PHKB: variants seen among roughly 807,000 people sequenced by gnomAD.
The protein encoded by PHKB is phosphorylase kinase regulatory subunit beta.
In PHKB, 122 loss-of-function variants were observed where a neutral mutation model predicts 152.1. The ratio of observed to expected loss-of-function variants is 0.80; its 90% CI spans 0.69 to 0.93. PHKB has a LOEUF of 0.93. Among genes scored for constraint, PHKB ranks in the 40% least tolerant of loss-of-function variants. The pLI is 0.00. For missense variants in PHKB, 1,304 were observed against 1,328.4 expected, an observed-to-expected ratio of 0.98 and a Z score of 0.29; for synonymous variants, 436 against 464.9, an observed-to-expected ratio of 0.94 and a Z score of 0.80.
intron 7 of PHKB, chr16:47,566,472 G>A (rs1481069562): frequency 9.3e-6 from 15 of 1,608,488 alleles, no homozygotes; most frequent in Non-Finnish European, 1.3e-5. Context: ...CTCAAATTCA[G>A]CATAACCAAA....
At position 47,541,519 on chromosome 16, in the gene PHKB, G is replaced by T. The variant is rs143954221; in HGVS notation, c.595-5914G>T. 1.1e-3 allele frequency among the ~76,000 whole-genome samples: 165 copies of T among 152,292 alleles called. 1 individual carries two copies. Among genetic ancestry groups the T allele is most frequent in the African/African-American group, 3.8e-3 (156 of 41,548 alleles). On this transcript the variant is annotated intron_variant, in intron 6 of 30. Transcript: ENST00000323584. ...TCCTTTGGGAATATACCCAGTAATG[G>T]GATGGCTGGGTCAAATGGTATTTCT...
chr16:47,489,580 G>T (rs1406054542), intron 1 of PHKB, among the ~76,000 whole-genome samples: 2 of 152,332 alleles, frequency 1.3e-5, no homozygotes, highest in African/African-American at 4.8e-5. Context: ...CCATGGGTTT[G>T]TATCCTCAAA....
chr16:47,511,798 C>A (rs759720399), intron 5 of PHKB, 26 bp downstream of exon 5: 6 of 1,349,192 alleles, frequency 4.4e-6, no homozygotes, highest in South Asian at 3.5e-5. Flanking sequence ...ACATTTTATT[C>A]TCCTTATATT....
chr16:47,687,553 T>G (rs1416128901), intron 26 of PHKB, among the ~76,000 whole-genome samples: 1 of 152,244 alleles, frequency 6.6e-6, no homozygotes, highest in Non-Finnish European at 1.5e-5. Context: ...CAGGAAGCTT[T>G]CAGGCATTTG....
rs1233449570 is a variant in PHKB at position 47,463,762 on chromosome 16, GAAAAT to G, written c.76+2342_76+2346del. ...AATCACATTTTCAAGTCATAAAAGA[GAAAAT>G]AAAATTATAATGATCCTCAGTTACT... On this transcript the variant is annotated intron_variant, in intron 1 of 30. Coordinates refer to ENST00000323584, the MANE Select transcript of PHKB (RefSeq NM_000293.3). The G allele has an allele frequency of 3.0e-5, 19 of 640,532 alleles. No homozygotes were observed. In the Admixed American group the frequency reaches 4.3e-4, roughly 14 times the overall value. 39.7% of individuals were successfully genotyped at this position (640,532 alleles called of 1,614,324 possible).
At chr16:47,634,168 A>T (rs531761459) in intron 14 of PHKB, among the ~76,000 whole-genome samples, 1 of 152,234 alleles carries the variant, frequency 6.6e-6, no homozygotes, top group Non-Finnish European at 1.5e-5. Flanking sequence ...CAATTTATAG[A>T]TGAGGAAACT....
At chr16:47,486,630 C>T (rs1005983632) in intron 1 of PHKB, among the ~76,000 whole-genome samples, 13 of 152,120 alleles carry the variant, frequency 8.5e-5, no homozygotes, top group Non-Finnish European at 1.6e-4. Flanking sequence ...CATGCCTACC[C>T]CGTCTGCAAC....
chr16:47,554,285 T>C (rs960976308), intron 7 of PHKB, among the ~76,000 whole-genome samples: 5 of 152,170 alleles, frequency 3.3e-5, no homozygotes, highest in African/African-American at 9.7e-5. Flanking sequence ...CTCTGCCCAG[T>C]TGGAACTTCC....
chr16:47,655,116 A>C (rs554770384), intron 20 of PHKB, among the ~76,000 whole-genome samples: 1 of 152,288 alleles, frequency 6.6e-6, no homozygotes, highest in East Asian at 1.9e-4. Context: ...TATTCACTAT[A>C]ATTGATGGCA....
At chr16:47,642,925 G>A (rs1405776961) in intron 16 of PHKB, among the ~76,000 whole-genome samples, 3 of 152,126 alleles carry the variant, frequency 2.0e-5, no homozygotes, top group Non-Finnish European at 2.9e-5. Flanking sequence ...GAGAGAGAAG[G>A]ATGCCAAAAT....
Position 47,641,056 on chromosome 16 carries a change from G to A in PHKB, c.1480G>A (p.Val494Ile), listed in dbSNP as rs1305765069. The A allele has an allele frequency of 1.2e-6, 2 of 1,613,858 alleles. No individual in the cohort carries two copies. Among genetic ancestry groups the A allele is most frequent in the Non-Finnish European group, 1.7e-6 (2 of 1,179,942 alleles). Residue 494 changes from valine (V) to isoleucine (I), a missense_variant, in exon 15 of 31, where the codon GTA (valine) becomes ATA (isoleucine). Transcript: ENST00000323584. Reference protein sequence around the residue: ...SNQGPLENDLVVHVALIAESQ... With the variant: ...SNQGPLENDLIVHVALIAESQ... ...ACAGGGCCCACTGGAAAATGACTTG[G>A]TAGTTCATGTGGCACTTATAGCAGA... is the stretch of plus-strand genomic sequence containing the variant.
At chr16:47,647,776 C>A (rs879127268) in intron 16 of PHKB, among the ~76,000 whole-genome samples, 1 of 152,164 alleles carries the variant, frequency 6.6e-6, no homozygotes, top group Non-Finnish European at 1.5e-5. Context: ...GGATTACAGG[C>A]GTGAGCCACC....
Position 47,593,538 on chromosome 16 carries a change from C to T in PHKB, c.1107C>T (p.Phe369=). The change falls in exon 11 of 31, where the codon TTC becomes TTT. Residue 369 remains phenylalanine, a synonymous_variant. Coordinates refer to ENST00000323584, the MANE Select transcript of PHKB (RefSeq NM_000293.3). The part of the protein sequence containing the change: ...DGIECEFPIF[F]LYMMIDGVFR... ...TTGAATGTGAATTTCCCATATTTTT[C>T]CTTTATATGATGATTGATGGTAAGT... The T allele has an allele frequency of 6.7e-7, 1 of 1,499,858 alleles. No individual in the cohort carries two copies. The allele number at this position is 1,499,858 out of a possible 1,614,324, so 92.9% of individuals were successfully genotyped here.
chr16:47,598,879 G>A, intron 13 of PHKB: 1 of 1,603,802 alleles, frequency 6.2e-7, no homozygotes, highest in South Asian at 1.1e-5. Context: ...TCTATATGCT[G>A]CATTTTTAGG....
chr16:47,478,466 ATTTTTT>A (rs199656987), intron 1 of PHKB, among the ~76,000 whole-genome samples: 19 of 127,894 alleles, frequency 1.5e-4, no homozygotes, highest in African/African-American at 5.2e-4. Context: ...TTGCTGTGAA[ATTTTTT>A]TTTTTTTTTT....
chr16:47,660,011 A>G (rs893181592), intron 20 of PHKB, among the ~76,000 whole-genome samples: 3 of 152,028 alleles, frequency 2.0e-5, no homozygotes. Context: ...CTACAGGCAC[A>G]TGCCACCACG....
intron 14 of PHKB, among the ~76,000 whole-genome samples, chr16:47,635,275 G>GC (rs2151723209): frequency 6.6e-6 from 1 of 152,234 alleles, no homozygotes; most frequent in Non-Finnish European, 1.5e-5. Context: ...TATGATGTTG[G>GC]ATAAGTTTTT....
chr16:47,588,243 A>G lies in PHKB; in HGVS notation c.870+480A>G, dbSNP rs147768252. On this transcript the variant is annotated intron_variant, in intron 9 of 30. Coordinates refer to ENST00000323584, the MANE Select transcript of PHKB (RefSeq NM_000293.3). Reference sequence around the variant, plus strand: ...TGGTTCTGTTATTTAGAAAACACCCAAAGTGGAATAATTTAGTTATTCAAA... The same window carrying G: ...TGGTTCTGTTATTTAGAAAACACCCGAAGTGGAATAATTTAGTTATTCAAA... Among the ~76,000 whole-genome samples, 40 of 151,948 alleles carry G rather than the reference A, an allele frequency of 2.6e-4. 1 individual carries two copies. In the East Asian group the frequency reaches 7.5e-3, roughly 29 times the overall value.
At chr16:47,689,284 A>T (rs1356717352) in intron 27 of PHKB, 109 bp downstream of exon 27, 2 of 1,163,186 alleles carry the variant, frequency 1.7e-6, no homozygotes, top group East Asian at 5.1e-5. Context: ...AGTAAAATTC[A>T]ACAGAGTGTC....
Sources: allele counts gnomAD v4.1 joint callset (sites outside exome capture counted in the v4.1 genomes callset), GRCh38; gene constraint gnomAD v4.1.1; transcripts MANE v1.5; gene names NCBI Gene and HGNC (gene_info 2026-07-23, HGNC 2026-07-21).